Variants in ABI1 observed in about 807,000 individuals in gnomAD.
ABI1 encodes the protein abl interactor 1, also known as Abelson interactor 1.
Under a neutral mutation model 54.6 loss-of-function variants are expected in ABI1, and 14 were observed. That is an observed-to-expected ratio of 0.26 (90% CI 0.17 to 0.40). The LOEUF (loss-of-function observed/expected upper bound fraction) is 0.40, where lower values mean the gene tolerates loss of function less well. Among genes scored for constraint, ABI1 ranks in the 10% least tolerant of loss-of-function variants. The pLI is 1.00. For synonymous variants in ABI1, 194 were observed against 209.3 expected, an observed-to-expected ratio of 0.93 and a Z score of 0.63; for missense variants, 443 against 598.3, an observed-to-expected ratio of 0.74 and a Z score of 2.71.
chr10:26,749,558 T>C (rs564598716), intron 10 of ABI1, among the ~76,000 whole-genome samples: 5 of 152,350 alleles, frequency 3.3e-5, no homozygotes, highest in African/African-American at 1.2e-4. Context: ...TGCATTTTGA[T>C]TGTGACCCAT....
At chr10:26,778,387 C>T (rs1050806287) in intron 2 of ABI1, among the ~76,000 whole-genome samples, 4 of 150,808 alleles carry the variant, frequency 2.7e-5, no homozygotes, top group African/African-American at 9.8e-5. Flanking sequence ...ATCCCACTAG[C>T]AGAGGTATTG....
intron 8 of ABI1, among the ~76,000 whole-genome samples, chr10:26,756,104 T>C (rs1190512585): frequency 6.6e-6 from 1 of 152,202 alleles, no homozygotes; most frequent in African/African-American, 2.4e-5. Context: ...TAGGTAACAA[T>C]GAAATACCTA....
At position 26,751,728 on chromosome 10, in the gene ABI1, A is replaced by G. The variant is rs760722965; in HGVS notation, c.1140T>C (p.Phe380=). The G allele has an allele frequency of 1.2e-6, 2 of 1,613,818 alleles. No individual in the cohort carries two copies. ...GTGGTGGGGGAGGTGGAGAGTCATC[A>G]AACATGGGAATGTCATCTGGTGGAG... is the stretch of plus-strand genomic sequence containing the variant. ...PPPPPDDIPM[F]DDSPPPPPPP... The change falls in exon 10 of 11, where the codon TTT becomes TTC. Residue 380 remains phenylalanine (F), a synonymous_variant. Coordinates refer to ENST00000376140, the MANE Select transcript of ABI1 (RefSeq NM_001012750.3).
At chr10:26,853,640 G>A (rs546584076) in intron 1 of ABI1, among the ~76,000 whole-genome samples, 20 of 150,196 alleles carry the variant, frequency 1.3e-4, no homozygotes, top group Middle Eastern at 3.2e-3. Flanking sequence ...CCGGGTTCAC[G>A]CCATTCAGCC....
intron 2 of ABI1, among the ~76,000 whole-genome samples, chr10:26,820,649 G>A (rs1411731908): frequency 1.3e-5 from 2 of 149,996 alleles, no homozygotes; most frequent in Admixed American, 6.7e-5. Context: ...GTACAGTGGC[G>A]CGATCTCGGC....
intron 1 of ABI1, among the ~76,000 whole-genome samples, chr10:26,834,927 A>G (rs370353015): frequency 1.5e-4 from 23 of 152,184 alleles, no homozygotes; most frequent in African/African-American, 5.5e-4. Context: ...ACATGGTGAA[A>G]TCCCATCTCT....
chr10:26,763,987 C>T, intron 7 of ABI1: 1 of 1,566,064 alleles, frequency 6.4e-7, no homozygotes, highest in East Asian at 2.3e-5. Context: ...TAATTCAGGT[C>T]AGAGTACAAG....
chr10:26,812,153 G>T (rs1268194803), intron 2 of ABI1, among the ~76,000 whole-genome samples: 2 of 152,090 alleles, frequency 1.3e-5, no homozygotes, highest in African/African-American at 4.8e-5. Flanking sequence ...CATAATCCAG[G>T]ATAATCTTCC....
chr10:26,848,188 G>A (rs1439522500), intron 1 of ABI1, among the ~76,000 whole-genome samples: 6 of 130,284 alleles, frequency 4.6e-5, no homozygotes, highest in African/African-American at 6.0e-5. Context: ...GCAACAGAGC[G>A]AGACCCTGTC....
At chr10:26,824,827 C>T (rs138851507) in intron 1 of ABI1, among the ~76,000 whole-genome samples, 52 of 152,246 alleles carry the variant, frequency 3.4e-4, no homozygotes, top group African/African-American at 1.1e-3. Flanking sequence ...GAACTACATA[C>T]AGGCACACTG....
intron 1 of ABI1, among the ~76,000 whole-genome samples, chr10:26,842,765 G>A (rs958498649): frequency 1.3e-5 from 2 of 152,128 alleles, no homozygotes; most frequent in African/African-American, 2.4e-5. Flanking sequence ...AGCCACAAGA[G>A]GCTAGGCGCA....
intron 7 of ABI1, among the ~76,000 whole-genome samples, chr10:26,760,550 G>A (rs933073827): frequency 7.2e-5 from 11 of 152,156 alleles, no homozygotes; most frequent in Non-Finnish European, 1.2e-4. Context: ...AAGCCTTCGT[G>A]AATAAGTAAT....
intron 3 of ABI1, 65 bp from the exon 4 acceptor site, chr10:26,771,154 A>T: frequency 6.5e-7 from 1 of 1,541,630 alleles, no homozygotes; most frequent in Non-Finnish European, 9.0e-7. Flanking sequence ...TATATCCGAT[A>T]GGACAGGTTT....
intron 1 of ABI1, among the ~76,000 whole-genome samples, chr10:26,858,454 C>CTTTT (rs375525589): frequency 5.1e-5 from 6 of 118,178 alleles, no homozygotes; most frequent in African/African-American, 1.5e-4. Context: ...TGCGTGAATT[C>CTTTT]TTTTTTTTTT....
At chr10:26,763,954 A>G (rs1247383722) in intron 7 of ABI1, 1 of 1,610,526 alleles carries the variant, frequency 6.2e-7, no homozygotes, top group Admixed American at 1.7e-5. Context: ...AGGGACAGAA[A>G]TGTTTTCTAA....
intron 1 of ABI1, among the ~76,000 whole-genome samples, chr10:26,829,087 G>A (rs1485727001): frequency 5.9e-5 from 9 of 152,146 alleles, no homozygotes; most frequent in African/African-American, 1.9e-4. Context: ...TTAGCCGGGC[G>A]CAGTGGCAGG....
chr10:26,837,368 A>C lies in ABI1; in HGVS notation c.118-14063T>G, dbSNP rs528038755. Among the ~76,000 whole-genome samples, 3 of 152,068 alleles carry C rather than the reference A, an allele frequency of 2.0e-5. No homozygotes were observed. The South Asian group carries it at 6.2e-4, about 31-fold the overall frequency. On this transcript the variant is annotated intron_variant, in intron 1 of 10. Transcript: ENST00000376140. ...TTTATAAGTACCCTAGCTCTATGGGATCAGGGCTCCAGCCTTATGACCTCA... is the reference window on the plus strand; with the variant it reads ...TTTATAAGTACCCTAGCTCTATGGGCTCAGGGCTCCAGCCTTATGACCTCA...
intron 7 of ABI1, 55 bp downstream of exon 7, chr10:26,765,163 C>A: frequency 8.0e-7 from 1 of 1,254,678 alleles, no homozygotes; most frequent in Non-Finnish European, 1.1e-6. Flanking sequence ...CAGCCTTCCA[C>A]AATAAAGCTC....
chr10:26,795,658 C>CAA (rs140253669), intron 2 of ABI1, among the ~76,000 whole-genome samples: 2 of 148,466 alleles, frequency 1.3e-5, no homozygotes, highest in South Asian at 4.3e-4. Flanking sequence ...TGATAGCATC[C>CAA]AAAAAAAAAT....
Sources: allele counts gnomAD v4.1 joint callset (sites outside exome capture counted in the v4.1 genomes callset), GRCh38; gene constraint gnomAD v4.1.1; transcripts MANE v1.5; gene names NCBI Gene and HGNC (gene_info 2026-07-23, HGNC 2026-07-21).